The following MOB4 variants were observed in gnomAD, a reference collection of about 807,000 sequenced individuals.
MOB4 encodes the protein MOB family member 4, phocein.
In MOB4, 4 loss-of-function variants were observed where a neutral mutation model predicts 32.2. The observed-to-expected ratio is 0.12, with a 90% CI of 0.06 to 0.28. The LOEUF is 0.28. Among genes scored for constraint, MOB4 ranks in the 10% least tolerant of loss-of-function variants. The pLI, the probability that MOB4 is intolerant of heterozygous loss-of-function variation, is 1.00. For synonymous variants in MOB4, 88 were observed against 88.1 expected, an observed-to-expected ratio of 1.00 and a Z score of 0.01; for missense variants, 158 against 271.2, an observed-to-expected ratio of 0.58 and a Z score of 2.93.
At chr2:197,548,680 G>A (rs963509357) in intron 6 of MOB4, among the ~76,000 whole-genome samples, 16 of 151,878 alleles carry the variant, frequency 1.1e-4, no homozygotes, top group Admixed American at 7.9e-4. Context: ...GCTCGTTAAT[G>A]CATTTTTGTA....
intron 2 of MOB4, among the ~76,000 whole-genome samples, chr2:197,532,756 A>G (rs1415080167): frequency 6.6e-6 from 1 of 152,046 alleles, no homozygotes; most frequent in Non-Finnish European, 1.5e-5. Context: ...CATGAAAGTA[A>G]GTGTTAGTAA....
At chr2:197,521,501 G>A (rs957651193) in intron 1 of MOB4, among the ~76,000 whole-genome samples, 15 of 152,152 alleles carry the variant, frequency 9.9e-5, no homozygotes, top group African/African-American at 2.9e-4. Flanking sequence ...GGTTTTGAGA[G>A]CAACCGGTCT....
intron 5 of MOB4, among the ~76,000 whole-genome samples, chr2:197,543,361 C>G (rs2086932326): frequency 6.6e-6 from 1 of 151,898 alleles, no homozygotes; most frequent in South Asian, 2.1e-4. Flanking sequence ...TAAGGCACAT[C>G]TCAAAACCAC....
At chr2:197,525,954 G>A (rs562664262) in intron 2 of MOB4, among the ~76,000 whole-genome samples, 1 of 152,258 alleles carries the variant, frequency 6.6e-6, no homozygotes, top group Admixed American at 6.5e-5. Context: ...TTTTGGATGT[G>A]AAATCATTAG....
At chr2:197,515,931 C>A (rs1045731079), upstream of MOB4, 2 of 710,472 alleles carry the variant, frequency 2.8e-6, no homozygotes, top group Admixed American at 3.2e-5. Flanking sequence ...CTCCGCCTAG[C>A]CCGCTTCTAC....
intron 2 of MOB4, among the ~76,000 whole-genome samples, chr2:197,534,326 TAC>T (rs774642437): frequency 1.3e-5 from 2 of 152,216 alleles, no homozygotes; most frequent in Non-Finnish European, 2.9e-5. Context: ...CATAAAGCAT[TAC>T]AGAGATCTGA....
At chr2:197,524,480 C>T (rs2086573087) in intron 2 of MOB4, among the ~76,000 whole-genome samples, 1 of 149,374 alleles carries the variant, frequency 6.7e-6, no homozygotes. Context: ...TTGCAGTGAG[C>T]CAAGATCATG....
At chr2:197,524,530 CAA>C (rs58552334) in intron 2 of MOB4, among the ~76,000 whole-genome samples, 2,034 of 108,942 alleles carry the variant, frequency 0.019, 40 homozygotes, top group African/African-American at 0.058. Flanking sequence ...GACTCTGTCT[CAA>C]AAAAAAAAAA....
intron 5 of MOB4, among the ~76,000 whole-genome samples, chr2:197,547,277 C>G (rs1301034307): frequency 2.0e-5 from 3 of 152,066 alleles, no homozygotes; most frequent in Admixed American, 2.0e-4. Context: ...CTGTGTTGTT[C>G]AAGGGTCTGC....
rs1032020620 is a variant in MOB4 at position 197,550,654 on chromosome 2, CAT to C, written c.*10_*11del. The C allele has an allele frequency of 3.8e-6, 6 of 1,583,752 alleles. No homozygotes were observed. In the African/African-American group the frequency reaches 5.5e-5, roughly 14 times the overall value. ...GGGGAAAGTGAAGCATGAAGGGAAT[CAT>C]AGGAAAAATGTACTGATCATATAAT... On this transcript the variant is annotated 3_prime_UTR_variant, in exon 8 of 8. Transcript: ENST00000323303.
chr2:197,525,275 G>C (rs2086591132), intron 2 of MOB4, among the ~76,000 whole-genome samples: 1 of 81,454 alleles, frequency 1.2e-5, no homozygotes, highest in Non-Finnish European at 2.7e-5. Flanking sequence ...GAACCTGGGA[G>C]GCAGTGAGCC....
chr2:197,531,968 C>T (rs1486378513), intron 2 of MOB4, among the ~76,000 whole-genome samples: 1 of 152,012 alleles, frequency 6.6e-6, no homozygotes, highest in African/African-American at 2.4e-5. Flanking sequence ...AGTGCAGTAG[C>T]GTGTGATTGC....
chr2:197,547,788 T>G (rs1222748169), intron 5 of MOB4, among the ~76,000 whole-genome samples: 2 of 152,216 alleles, frequency 1.3e-5, no homozygotes, highest in East Asian at 3.8e-4. Context: ...ACTTTGCAGT[T>G]TTATTTTTCC....
At chr2:197,535,485 C>G (rs777540882) in intron 2 of MOB4, 45 bp from the exon 3 acceptor site, 3 of 1,519,214 alleles carry the variant, frequency 2.0e-6, no homozygotes, top group Admixed American at 4.3e-5. Flanking sequence ...TAAGATTTAC[C>G]AGGTGATATA....
chr2:197,544,735 A>AGTGAGT, intron 5 of MOB4, among the ~76,000 whole-genome samples: 1 of 151,976 alleles, frequency 6.6e-6, no homozygotes, highest in South Asian at 2.1e-4. Flanking sequence ...CCTGGGCAAC[A>AGTGAGT]GAGTGAGACT....
chr2:197,516,376 G>T, intron 1 of MOB4: 1 of 1,413,978 alleles, frequency 7.1e-7, no homozygotes, highest in Non-Finnish European at 9.2e-7. Flanking sequence ...GGGGCGGGTG[G>T]GGTCTGCTGG....
intron 5 of MOB4, among the ~76,000 whole-genome samples, chr2:197,543,824 C>T (rs957514254): frequency 1.3e-5 from 2 of 152,038 alleles, no homozygotes; most frequent in Non-Finnish European, 2.9e-5. Context: ...CTGCAACCTC[C>T]GCTTCCCAGG....
intron 3 of MOB4, among the ~76,000 whole-genome samples, chr2:197,539,467 C>T (rs1006298255): frequency 3.3e-5 from 5 of 151,910 alleles, no homozygotes; most frequent in African/African-American, 1.2e-4. Flanking sequence ...TGCAGGCACC[C>T]GCTATTATGC....
chr2:197,522,152 G>A (rs1238115959), intron 1 of MOB4, among the ~76,000 whole-genome samples: 1 of 151,910 alleles, frequency 6.6e-6, no homozygotes, highest in Non-Finnish European at 1.5e-5. Context: ...CTCAGTTTGG[G>A]GTCCCTGACT....
Sources: gnomAD v4.1 joint callset for allele counts (sites outside exome capture counted in the v4.1 genomes callset) on GRCh38, gnomAD v4.1.1 for gene constraint, MANE v1.5 for transcripts, NCBI Gene and HGNC (gene_info 2026-07-23, HGNC 2026-07-21) for gene names.